ETV6: variants seen among roughly 807,000 people sequenced by gnomAD.
The protein encoded by ETV6 is ETS variant transcription factor 6, also known as transcription factor ETV6.
ETV6 carries 16 observed loss-of-function variants against 51.1 expected under a neutral mutation model. That is an observed-to-expected ratio of 0.31 (90% confidence interval 0.21 to 0.48). The LOEUF is 0.48. Among genes scored for constraint, ETV6 ranks in the 20% least tolerant of loss-of-function variants. The pLI is 0.99. For synonymous variants in ETV6, 240 were observed against 224.1 expected (o/e 1.07, Z -0.64); for missense variants, 458 against 594.8 (o/e 0.77, Z 2.39).
chr12:11,739,657 TG>T (rs1274330172), intron 1 of ETV6, among the ~76,000 whole-genome samples: 2 of 152,196 alleles, frequency 1.3e-5, no homozygotes, highest in Non-Finnish European at 1.5e-5. Context: ...AGACTTAGTA[TG>T]AAAAAAACAT....
At chr12:11,760,876 A>ATGTGTGTG (rs1285515591) in intron 2 of ETV6, among the ~76,000 whole-genome samples, 37 of 71,918 alleles carry the variant, frequency 5.1e-4, no homozygotes, top group East Asian at 2.4e-3. Context: ...ATTATTATAT[A>ATGTGTGTG]TATGTGTGTG....
chr12:11,843,930 A>C (rs1288054422), intron 3 of ETV6, among the ~76,000 whole-genome samples: 1 of 152,132 alleles, frequency 6.6e-6, no homozygotes, highest in Non-Finnish European at 1.5e-5. Flanking sequence ...AGTTTATAAC[A>C]TTTGTAAAGT....
intron 2 of ETV6, among the ~76,000 whole-genome samples, chr12:11,837,895 A>G (rs1340136823): frequency 6.6e-6 from 1 of 152,260 alleles, no homozygotes; most frequent in Non-Finnish European, 1.5e-5. Context: ...TTTTGCTTAT[A>G]TGGGTTATAG....
chr12:11,756,020 C>T lies in ETV6; in HGVS notation c.163+3441C>T, dbSNP rs1361793348. On this transcript the variant is annotated intron_variant, in intron 2 of 7. Transcript: ENST00000396373. ...AGGTTCTCATACAGAGAGTTTCTCA[C>T]CATTTTATTCTGCAAACACAGAGCT... 2.0e-5 allele frequency among the ~76,000 whole-genome samples: 3 copies of T among 152,284 alleles called. No individual in the cohort carries two copies. The East Asian group carries it at 5.8e-4, about 29-fold the overall frequency.
chr12:11,772,312 A>G (rs1945253545), intron 2 of ETV6, among the ~76,000 whole-genome samples: 1 of 152,234 alleles, frequency 6.6e-6, no homozygotes, highest in African/African-American at 2.4e-5. Context: ...AATGTTTTTG[A>G]ATTCAGAAGA....
intron 1 of ETV6, among the ~76,000 whole-genome samples, chr12:11,744,105 G>A (rs962697636): frequency 2.7e-4 from 41 of 152,150 alleles, no homozygotes; most frequent in African/African-American, 9.2e-4. Context: ...GTGAGGGAAC[G>A]TACAAGAACA....
intron 1 of ETV6, among the ~76,000 whole-genome samples, chr12:11,653,087 T>C (rs1439847057): frequency 6.6e-6 from 1 of 152,128 alleles, no homozygotes; most frequent in African/African-American, 2.4e-5. Flanking sequence ...TGTGGCACTG[T>C]TGTCATGGAA....
At chr12:11,681,512 A>G (rs1475752530) in intron 1 of ETV6, among the ~76,000 whole-genome samples, 2 of 152,160 alleles carry the variant, frequency 1.3e-5, no homozygotes, top group African/African-American at 2.4e-5. Flanking sequence ...TTCAGACCAC[A>G]ATTTAGTGAA....
At chr12:11,815,459 G>T (rs965293904) in intron 2 of ETV6, among the ~76,000 whole-genome samples, 1 of 152,216 alleles carries the variant, frequency 6.6e-6, no homozygotes, top group East Asian at 1.9e-4. Flanking sequence ...GCAAGTTGGT[G>T]CATTAGACAA....
chr12:11,763,149 T>C (rs183193714), intron 2 of ETV6, among the ~76,000 whole-genome samples: 1 of 152,308 alleles, frequency 6.6e-6, no homozygotes, highest in African/African-American at 2.4e-5. Context: ...TTCTGATTCC[T>C]TCACGCCATT....
intron 5 of ETV6, 96 bp from the exon 6 acceptor site, chr12:11,884,349 G>GGC (rs1378491068): frequency 5.1e-6 from 7 of 1,372,296 alleles, no homozygotes; most frequent in Non-Finnish European, 7.2e-6. Context: ...ACCCAAGCTA[G>GGC]GCAGAAGCAG....
Position 11,667,805 on chromosome 12 carries a change from C to T in ETV6, c.33+17645C>T, listed in dbSNP as rs148412217. Among the ~76,000 whole-genome samples, 1,155 of 147,384 alleles carry T rather than the reference C, an allele frequency of 7.8e-3. 6 individuals are homozygous for T. Among genetic ancestry groups the T allele is most frequent in the Middle Eastern group, 0.062 (17 of 274 alleles). The stretch of plus-strand genomic sequence containing the variant: ...GCAGCCTCCGCCTCCCAGGCTCAAG[C>T]AGTTCCTTGCCTCGGCCTCCCGTGT... On this transcript the variant is annotated intron_variant, in intron 1 of 7. Coordinates refer to ENST00000396373, the MANE Select transcript of ETV6 (RefSeq NM_001987.5).
intron 1 of ETV6, among the ~76,000 whole-genome samples, chr12:11,722,725 C>T (rs1231270214): frequency 6.6e-6 from 1 of 152,184 alleles, no homozygotes; most frequent in Non-Finnish European, 1.5e-5. Context: ...ATGGACAACC[C>T]AAATATTTTG....
At chr12:11,877,059 G>T (rs1452704201) in intron 5 of ETV6, among the ~76,000 whole-genome samples, 1 of 152,176 alleles carries the variant, frequency 6.6e-6, no homozygotes, top group Non-Finnish European at 1.5e-5. Context: ...CTAAAACAAT[G>T]TACTTTCTTG....
intron 1 of ETV6, among the ~76,000 whole-genome samples, chr12:11,670,404 G>T (rs1024206729): frequency 6.6e-6 from 1 of 152,164 alleles, no homozygotes; most frequent in Non-Finnish European, 1.5e-5. Context: ...TCAAATAGTG[G>T]TCTTAGAAAC....
chr12:11,785,803 C>T (rs564077137), intron 2 of ETV6, among the ~76,000 whole-genome samples: 2 of 152,248 alleles, frequency 1.3e-5, no homozygotes, highest in South Asian at 2.1e-4. Context: ...GCATTTGGTT[C>T]GTGTCAGTCT....
At chr12:11,876,948 A>AATT (rs1946995462) in intron 5 of ETV6, among the ~76,000 whole-genome samples, 1 of 152,234 alleles carries the variant, frequency 6.6e-6, no homozygotes, top group Non-Finnish European at 1.5e-5. Flanking sequence ...GTGACTTTAA[A>AATT]AAATACTTTT....
At chr12:11,756,025 T>C (rs1459730596) in intron 2 of ETV6, among the ~76,000 whole-genome samples, 1 of 152,232 alleles carries the variant, frequency 6.6e-6, no homozygotes, top group African/African-American at 2.4e-5. Flanking sequence ...TCTCACCATT[T>C]TATTCTGCAA....
intron 7 of ETV6, among the ~76,000 whole-genome samples, chr12:11,888,686 A>C (rs952993035): frequency 1.3e-4 from 19 of 151,992 alleles, no homozygotes; most frequent in African/African-American, 4.6e-4. Context: ...TACAGATGTG[A>C]GCCACTGTGC....
Sources: allele counts gnomAD v4.1 joint callset (sites outside exome capture counted in the v4.1 genomes callset), GRCh38; gene constraint gnomAD v4.1.1; transcripts MANE v1.5; gene names NCBI Gene and HGNC (gene_info 2026-07-23, HGNC 2026-07-21).